The following ISY1 variants were observed in gnomAD, a reference collection of about 807,000 sequenced individuals.
ISY1 encodes pre-mRNA-splicing factor ISY1 homolog.
ISY1 carries 12 observed loss-of-function variants against 54.4 expected under a neutral mutation model. That is an observed-to-expected ratio of 0.22 (90% CI 0.14 to 0.36). The LOEUF is 0.36. ISY1 is among the 10% of genes least tolerant of loss of function. ISY1 has a pLI of 1.00. For synonymous variants in ISY1, 96 were observed against 117.9 expected, an observed-to-expected ratio of 0.81 and a Z score of 1.20; for missense variants, 282 against 342.2, an observed-to-expected ratio of 0.82 and a Z score of 1.39.
In ISY1 at chr3:129,156,926, G is replaced by A. The variant is rs538094237; in HGVS notation, c.79-6C>T. On this transcript the variant is annotated splice_polypyrimidine_tract_variant and splice_region_variant and intron_variant, in intron 3 of 10. Coordinates refer to ENST00000393295, the MANE Select transcript of ISY1 (RefSeq NM_020701.4). The stretch of plus-strand genomic sequence containing the variant: ...GCCAGAAAGGGTCTTCGTTCCTAAG[G>A]AGAAAAAAATAACACATTTCCATTA... 8.2e-5 allele frequency: 132 copies of A among 1,613,230 alleles called. No homozygotes were observed. The South Asian group carries it at 1.3e-3, about 16-fold the overall frequency.
At position 129,129,791 on chromosome 3, in the gene ISY1, C is replaced by T. The variant is rs1936187810; in HGVS notation, c.*290G>A. On this transcript the variant is annotated 3_prime_UTR_variant, in exon 11 of 11. Coordinates refer to ENST00000393295, the MANE Select transcript of ISY1 (RefSeq NM_020701.4). ...TTTGCCACTAATTGATTCTTCTCCC[C>T]TCAAAATGGCAGTGCAAGTCAAAAT... 3.3e-6 allele frequency: 1 copy of T among 302,136 alleles called. No individual in the cohort carries two copies. The highest frequency in any genetic ancestry group is 6.0e-6 in the Non-Finnish European group (1 of 165,412). The allele number at this position is 302,136 out of a possible 1,614,324, so 18.7% of individuals were successfully genotyped here. A position where few individuals can be genotyped will look rare whatever the true frequency, so the allele number is the denominator to read the frequency against.
rs1339902184 is a variant in ISY1 at position 129,154,530 on chromosome 3, G to A, written c.187+2103C>T. ...TAAGGAATTGACCTATTTCATCTAA[G>A]TTGTCAAATTTATGGGCATAACATT... On this transcript the variant is annotated intron_variant, in intron 5 of 10. Transcript: ENST00000393295. Among the ~76,000 whole-genome samples the A allele has an allele frequency of 3.3e-5, 5 of 150,514 alleles. No individual in the cohort carries two copies. In the East Asian group the frequency reaches 9.8e-4, roughly 29 times the overall value.
rs746572120 is a variant in ISY1, at chr3:129,158,512, A to G, written c.74T>C (p.Val25Ala). ...ATGAGGAAGATTTACACCAACCTTC[A>G]CTTTTCCCTCTTCCAGCTGAGCCTG... Reference protein sequence around the residue: ...FRQAQLEEGKVKERRPFLASE... With the variant: ...FRQAQLEEGKAKERRPFLASE... Residue 25 changes from valine to alanine, a missense_variant, in exon 3 of 11, where the codon GTG becomes GCG. Physicochemically the swap from Val to Ala is moderately conservative, Grantham distance 64. Transcript: ENST00000393295. 6.2e-7 allele frequency: 1 copy of G among 1,613,896 alleles called. No individual in the cohort carries two copies. The highest frequency in any genetic ancestry group is 8.5e-7 in the Non-Finnish European group (1 of 1,180,010).
At chr3:129,153,553 G>A (rs2107617689) in intron 5 of ISY1, among the ~76,000 whole-genome samples, 2 of 152,170 alleles carry the variant, frequency 1.3e-5, no homozygotes, top group East Asian at 3.9e-4. Context: ...GGAGGGTGAG[G>A]TGGGCAGGTC....
chr3:129,151,885 G>A (rs1435056278), intron 5 of ISY1, among the ~76,000 whole-genome samples: 4 of 151,288 alleles, frequency 2.6e-5, no homozygotes, highest in South Asian at 2.1e-4. Flanking sequence ...AGGGCCGGGT[G>A]TGGTGGCTCA....
At position 129,159,174 on chromosome 3, in the gene ISY1, G is replaced by T; in HGVS notation, c.6C>A (p.Ala2=). Residue 2 remains alanine (A), a splice_region_variant and synonymous_variant, in exon 2 of 11, where the codon GCC becomes GCA. Coordinates refer to ENST00000393295, the MANE Select transcript of ISY1 (RefSeq NM_020701.4). M[A]RNAEKAMTAL... is the part of the protein sequence containing the mutation. ...CTTACATGGCCTTTTCTGCATTTCG[G>T]GCCTGGAAAGAGAGAAAAGAGAAGA... 6.3e-7 allele frequency: 1 copy of T among 1,599,848 alleles called. No individual in the cohort carries two copies. Among genetic ancestry groups the T allele is most frequent in the South Asian group, 1.2e-5 (1 of 86,854 alleles).
At position 129,160,957 on chromosome 3, in the gene ISY1, C is replaced by A; in HGVS notation, c.3+16G>T. 6.5e-7 allele frequency: 1 copy of A among 1,532,552 alleles called. No homozygotes were observed. The highest frequency in any genetic ancestry group is 8.8e-7 in the Non-Finnish European group (1 of 1,136,198). 94.9% of individuals were successfully genotyped at this position (1,532,552 alleles called of 1,614,324 possible). Reference sequence around the variant, plus strand: ...CCGCCCATCCACTCGCTCCCTCACCCGCCCACCCTACTCACCATGGTGTCG... The same window carrying A: ...CCGCCCATCCACTCGCTCCCTCACCAGCCCACCCTACTCACCATGGTGTCG... On this transcript the variant is annotated intron_variant, in intron 1 of 10. Coordinates refer to ENST00000393295, the MANE Select transcript of ISY1 (RefSeq NM_020701.4).
In ISY1 at chr3:129,129,989, G is replaced by A. The variant is rs946351438; in HGVS notation, c.*92C>T. ...GGAAGGAAGGCTGAGAATGGGGCAG[G>A]AGCCCTTGCAGCACCAGCCTGTGTC... On this transcript the variant is annotated 3_prime_UTR_variant, in exon 11 of 11. Transcript: ENST00000393295. The A allele has an allele frequency of 8.3e-6, 8 of 963,466 alleles. No individual in the cohort carries two copies. The highest frequency in any genetic ancestry group is 6.9e-5 in the South Asian group (4 of 57,596). The allele number at this position is 963,466 out of a possible 1,614,324, so 59.7% of individuals were successfully genotyped here. A position where few individuals can be genotyped will look rare whatever the true frequency, so the allele number is the denominator to read the frequency against.
intron 9 of ISY1, 36 bp from the exon 10 acceptor site, chr3:129,130,672 G>A (rs766504633): frequency 2.0e-5 from 33 of 1,610,022 alleles, no homozygotes; most frequent in African/African-American, 2.7e-5. Flanking sequence ...ATCAGTAGGC[G>A]CCCAGCTAGA....
At chr3:129,134,018 C>T (rs1472095662) in intron 9 of ISY1, 56 bp downstream of exon 9, 41 of 1,605,974 alleles carry the variant, frequency 2.6e-5, no homozygotes, top group Non-Finnish European at 3.5e-5. Context: ...CTCCCTGCCA[C>T]ACTTCATGGC....
At chr3:129,154,075 T>C (rs1046197953) in intron 5 of ISY1, among the ~76,000 whole-genome samples, 1 of 151,608 alleles carries the variant, frequency 6.6e-6, no homozygotes, top group Non-Finnish European at 1.5e-5. Context: ...ACCCCATCTC[T>C]ACTAAAAATA....
intron 5 of ISY1, among the ~76,000 whole-genome samples, chr3:129,153,598 A>G (rs989893795): frequency 6.6e-6 from 1 of 150,902 alleles, no homozygotes; most frequent in South Asian, 2.2e-4. Flanking sequence ...CCTGGCTAAC[A>G]TGGTGAAACC....
At chr3:129,154,439 CAAAAAAAAAAAAAA>C (rs58548903) in intron 5 of ISY1, among the ~76,000 whole-genome samples, 1 of 33,410 alleles carries the variant, frequency 3.0e-5, no homozygotes, top group Admixed American at 3.8e-4. Flanking sequence ...GACTCCATCT[CAAAAAAAAAAAAAA>C]AAAAAAAAAA....
chr3:129,160,918 G>GGCCCC, intron 1 of ISY1, 55 bp downstream of exon 1: 3 of 666,128 alleles, frequency 4.5e-6, no homozygotes, highest in South Asian at 1.6e-5. Flanking sequence ...TGGACTGGGC[G>GGCCCC]CCCCCCCGCC....
intron 4 of ISY1, 27 bp downstream of exon 4, chr3:129,156,828 C>T (rs1242371722): frequency 6.2e-7 from 1 of 1,607,748 alleles, no homozygotes; most frequent in Admixed American, 1.7e-5. Flanking sequence ...GTTACTTCTA[C>T]TGAAATCAGA....
At chr3:129,134,517 G>A (rs963750602) in intron 8 of ISY1, among the ~76,000 whole-genome samples, 2 of 152,188 alleles carry the variant, frequency 1.3e-5, no homozygotes, top group Non-Finnish European at 2.9e-5. Context: ...TCCAGCTCCA[G>A]ACCACTTGCT....
chr3:129,142,896 A>AT (rs2107608731), intron 6 of ISY1, among the ~76,000 whole-genome samples: 1 of 152,008 alleles, frequency 6.6e-6, no homozygotes, highest in East Asian at 1.9e-4. Flanking sequence ...CTCTACTAAA[A>AT]ATACAAAAAT....
At chr3:129,149,937 G>C (rs916601195) in intron 5 of ISY1, among the ~76,000 whole-genome samples, 6 of 147,576 alleles carry the variant, frequency 4.1e-5, no homozygotes, top group Non-Finnish European at 7.4e-5. Context: ...CTGCACCACT[G>C]TACTCCAGGC....
chr3:129,151,862 T>C (rs901166747), intron 5 of ISY1, among the ~76,000 whole-genome samples: 1 of 151,626 alleles, frequency 6.6e-6, no homozygotes, highest in African/African-American at 2.4e-5. Context: ...GGGTTTCTTA[T>C]AAGTACTTTA....
Sources: gnomAD v4.1 joint callset for allele counts (sites outside exome capture counted in the v4.1 genomes callset) on GRCh38, gnomAD v4.1.1 for gene constraint, MANE v1.5 for transcripts, NCBI Gene and HGNC (gene_info 2026-07-23, HGNC 2026-07-21) for gene names.